The following CYP4F8 variants were observed in gnomAD, a reference collection of about 807,000 sequenced individuals.
CYP4F8 encodes cytochrome P450 4F8.
A neutral mutation model predicts 55.0 loss-of-function variants in CYP4F8; 56 were observed. The observed-to-expected ratio is 1.02, with a 90% CI of 0.82 to 1.27. CYP4F8 has a LOEUF of 1.27. Ranked by LOEUF, CYP4F8 falls within the 50% of genes most tolerant of loss-of-function variation. The pLI, the probability that CYP4F8 is intolerant of heterozygous loss-of-function variation, is 0.00. For missense variants in CYP4F8, 680 were observed against 682.4 expected (o/e 1.00, Z 0.04); for synonymous variants, 288 against 267.3 (o/e 1.08, Z -0.76).
Position 15,624,013 on chromosome 19 carries a change from C to T in CYP4F8, c.1034C>T (p.Ala345Val), listed in dbSNP as rs773557188. Residue 345 changes from alanine (A) to valine (V), a missense_variant, in exon 9 of 13, where the codon GCG becomes GTG. Transcript: ENST00000612078. The stretch of plus-strand genomic sequence containing the variant: ...CTCTCCTGGGTCTTGTACAACCTCG[C>T]GAGGCACCCAGAATACCAAGAACGC... ...SGLSWVLYNLARHPEYQERCR... is the reference protein window; with the variant it reads ...SGLSWVLYNLVRHPEYQERCR... 5 of 1,614,138 alleles carry T rather than the reference C, an allele frequency of 3.1e-6. No individual in the cohort carries two copies. Among genetic ancestry groups the T allele is most frequent in the Middle Eastern group, 1.7e-4 (1 of 6,060 alleles).
chr19:15,626,605 A>ATATCTATCTGTCTATCTATC (rs1555738308), intron 9 of CYP4F8, among the ~76,000 whole-genome samples: 6 of 146,836 alleles, frequency 4.1e-5, no homozygotes, highest in African/African-American at 1.5e-4. Context: ...ATTGTTCTGG[A>ATATCTATCTGTCTATCTATC]TATCTATCTA....
At position 15,619,723 on chromosome 19, in the gene CYP4F8, C is replaced by A; in HGVS notation, c.486C>A (p.Pro162=). 1 of 1,614,186 alleles carries A rather than the reference C, an allele frequency of 6.2e-7. No homozygotes were observed. Among genetic ancestry groups the A allele is most frequent in the Non-Finnish European group, 8.5e-7 (1 of 1,180,038 alleles). ...TPAFHFNILK[P]YIKIFSKSAN... The stretch of plus-strand genomic sequence containing the variant: ...CCTTCCATTTCAACATCCTGAAGCC[C>A]TATATAAAGATTTTCAGCAAGAGTG... Residue 162 remains proline (P), a synonymous_variant, in exon 5 of 13, where the codon CCC becomes CCA. Coordinates refer to ENST00000612078, the MANE Select transcript of CYP4F8 (RefSeq NM_007253.4).
intron 2 of CYP4F8, among the ~76,000 whole-genome samples, chr19:15,617,485 T>C (rs1486710758): frequency 4.7e-5 from 2 of 42,764 alleles, no homozygotes; most frequent in African/African-American, 9.5e-5. Context: ...AATATCTACA[T>C]CTATCTATCT....
At chr19:15,628,157 T>G in intron 9 of CYP4F8, 145 bp from the exon 10 acceptor site, 19 of 1,252,786 alleles carry the variant, frequency 1.5e-5, no homozygotes, top group Non-Finnish European at 1.8e-5. Flanking sequence ...TTTTGTGACT[T>G]TGGTTTTCTA....
intron 12 of CYP4F8, 72 bp from the exon 13 acceptor site, chr19:15,629,121 G>T (rs1972302057): frequency 1.3e-6 from 2 of 1,500,940 alleles, no homozygotes; most frequent in Non-Finnish European, 8.9e-7. Flanking sequence ...GGGGTTCCGG[G>T]CCTGGTTCCT....
rs534522486 is a variant in CYP4F8, at chr19:15,619,693, G to A, written c.456G>A (p.Thr152=). ...GGAGACACCACCGTCGCTTGCTGACGCCTGCCTTCCATTTCAACATCCTGA... is the reference window on the plus strand; with the variant it reads ...GGAGACACCACCGTCGCTTGCTGACACCTGCCTTCCATTTCAACATCCTGA... ...DKWRHHRRLL[T]PAFHFNILKP... is the part of the protein sequence containing the mutation. The change falls in exon 5 of 13, where the codon ACG becomes ACA. Residue 152 remains threonine, a synonymous_variant. Coordinates refer to ENST00000612078, the MANE Select transcript of CYP4F8 (RefSeq NM_007253.4). 1.1e-5 allele frequency: 18 copies of A among 1,614,156 alleles called. No individual in the cohort carries two copies. Among genetic ancestry groups the A allele is most frequent in the Middle Eastern group, 1.6e-4 (1 of 6,062 alleles).
intron 9 of CYP4F8, among the ~76,000 whole-genome samples, chr19:15,624,421 C>T (rs896786877): frequency 7.2e-5 from 11 of 152,126 alleles, no homozygotes; most frequent in African/African-American, 2.7e-4. Context: ...GGAGAATTAA[C>T]GGCAAATACC....
intron 2 of CYP4F8, among the ~76,000 whole-genome samples, chr19:15,616,538 C>T (rs1193461935): frequency 1.3e-5 from 2 of 152,146 alleles, no homozygotes; most frequent in Non-Finnish European, 2.9e-5. Context: ...TGTCTAGAAC[C>T]CACTTTCTGC....
intron 12 of CYP4F8, 129 bp from the exon 13 acceptor site, chr19:15,629,064 A>T: frequency 5.8e-6 from 8 of 1,370,648 alleles, no homozygotes; most frequent in Non-Finnish European, 7.8e-6. Context: ...TGGGGGTCCC[A>T]GACCCAGCTT....
At chr19:15,628,623 C>CCCGGG (rs779839664) in intron 11 of CYP4F8, 28 bp downstream of exon 11, 8 of 1,611,574 alleles carry the variant, frequency 5.0e-6, no homozygotes, top group Non-Finnish European at 5.9e-6. Context: ...TTCTCCATCC[C>CCCGGG]CCGGGCCTGG....
chr19:15,615,443 T>G, intron 1 of CYP4F8, 163 bp downstream of exon 1: 2 of 695,786 alleles, frequency 2.9e-6, no homozygotes, highest in Non-Finnish European at 4.5e-6. Flanking sequence ...CTAGTTTCCT[T>G]GATCTCTAAT....
Position 15,626,331 on chromosome 19 carries a change from G to A in CYP4F8, c.1116-1971G>A, listed in dbSNP as rs549218434. Among the ~76,000 whole-genome samples, 15 of 152,298 alleles carry A rather than the reference G, an allele frequency of 9.8e-5. No individual in the cohort carries two copies. The South Asian group carries it at 1.7e-3, about 17-fold the overall frequency. On this transcript the variant is annotated intron_variant, in intron 9 of 12. Transcript: ENST00000612078. ...GCAGCTTCTGTGCACCCCACTGTCAGTGCATGTGACCCCTCTACCCACACC... is the reference window on the plus strand; with the variant it reads ...GCAGCTTCTGTGCACCCCACTGTCAATGCATGTGACCCCTCTACCCACACC...
chr19:15,623,735 A>C lies in CYP4F8; in HGVS notation c.955A>C (p.Arg319=). 2 of 1,614,090 alleles carry C rather than the reference A, an allele frequency of 1.2e-6. No individual in the cohort carries two copies. The highest frequency in any genetic ancestry group is 1.7e-6 in the Non-Finnish European group (2 of 1,180,024). The change falls in exon 8 of 13, where the codon AGA becomes CGA. Residue 319 remains arginine, a synonymous_variant. Transcript: ENST00000612078. The stretch of plus-strand genomic sequence containing the variant: ...TAAAGAGTTGTCAGATGAGGACATA[A>C]GAGCAGAAGCTGACACTTTCATGTT... ...NGKELSDEDI[R]AEADTFMFGG...
At chr19:15,618,363 C>T (rs1227494819) in intron 3 of CYP4F8, 3 of 811,316 alleles carry the variant, frequency 3.7e-6, no homozygotes, top group Admixed American at 4.1e-5. Context: ...TTCTGGGAAC[C>T]ACTGGGGCCC....
chr19:15,623,814 C>T, intron 8 of CYP4F8, 49 bp downstream of exon 8: 4 of 1,603,646 alleles, frequency 2.5e-6, no homozygotes, highest in Non-Finnish European at 3.4e-6. Context: ...TCTCTCCACT[C>T]CAGGGAAGTG....
chr19:15,628,769 C>A lies in CYP4F8; in HGVS notation c.1323C>A (p.Asp441Glu), dbSNP rs1457456818. 1.9e-6 allele frequency: 3 copies of A among 1,613,130 alleles called. No individual in the cohort carries two copies. The highest frequency in any genetic ancestry group is 1.1e-5 in the South Asian group (1 of 91,016). Reference protein sequence around the residue: ...PSVWPDPEVYDPFRFDPENAQ... With the variant: ...PSVWPDPEVYEPFRFDPENAQ... ...ACTTGCCTCCACCCCAGGTCTATGA[C>A]CCCTTCCGCTTCGACCCAGAAAACG... The change falls in exon 12 of 13, where the codon GAC (aspartate) becomes GAA (glutamate). Residue 441 changes from aspartate to glutamate, a missense_variant. Coordinates refer to ENST00000612078, the MANE Select transcript of CYP4F8 (RefSeq NM_007253.4).
chr19:15,618,663 T>C (rs1368501615), intron 3 of CYP4F8: 2 of 273,926 alleles, frequency 7.3e-6, no homozygotes, highest in African/African-American at 4.4e-5. Context: ...AGGCTTGGCA[T>C]TGGCCTTGTC....
intron 5 of CYP4F8, among the ~76,000 whole-genome samples, chr19:15,619,998 C>A (rs779812085): frequency 1.3e-5 from 2 of 152,198 alleles, no homozygotes; most frequent in Non-Finnish European, 2.9e-5. Flanking sequence ...ACATTTTTCT[C>A]ACAGAAGCCC....
chr19:15,628,676 C>G, intron 11 of CYP4F8, 81 bp downstream of exon 11: 2 of 1,606,718 alleles, frequency 1.2e-6, no homozygotes, highest in Admixed American at 3.4e-5. Context: ...TACTCCCTCT[C>G]TACTCCACCC....
Sources: allele counts gnomAD v4.1 joint callset (sites outside exome capture counted in the v4.1 genomes callset), GRCh38; gene constraint gnomAD v4.1.1; transcripts MANE v1.5; gene names NCBI Gene and HGNC (gene_info 2026-07-23, HGNC 2026-07-21).